Variants in STARD13 observed in about 807,000 individuals in gnomAD.
STARD13 encodes the protein StAR related lipid transfer domain containing 13.
In STARD13, 62 loss-of-function variants were observed where a neutral mutation model predicts 106.4. The observed-to-expected ratio is 0.58, with a 90% CI of 0.48 to 0.72. The LOEUF (loss-of-function observed/expected upper bound fraction) is 0.72. Among genes scored for constraint, STARD13 ranks in the 30% least tolerant of loss-of-function variants. The pLI, the probability that STARD13 is intolerant of heterozygous loss-of-function variation, is 0.00. For synonymous variants in STARD13, 565 were observed against 553.0 expected (o/e 1.02, Z -0.31); for missense variants, 1,387 against 1,424.0 (o/e 0.97, Z 0.42).
the STARD13 span, among the ~76,000 whole-genome samples, chr13:33,601,624 T>C: frequency 0.086 from 13,148 of 152,278 alleles, 742 homozygotes; most frequent in East Asian, 0.25. Flanking sequence ...GCTGAATTTC[T>C]GCGAAGTGAC....
intron 1 of STARD13, chr13:33,278,503 T>A (rs1054944349): frequency 6.6e-5 from 10 of 152,092 alleles, no homozygotes; most frequent in African/African-American, 2.4e-4. Flanking sequence ...CAGGATGTTA[T>A]AAGAAATGAG....
intron 1 of STARD13, among the ~76,000 whole-genome samples, chr13:33,285,007 T>G (rs969091194): frequency 3.3e-5 from 5 of 152,184 alleles, no homozygotes; most frequent in East Asian, 1.9e-4. Flanking sequence ...CTTAGCCTGG[T>G]GGCCTTTAGA....
chr13:33,465,044 T>G, the STARD13 span, among the ~76,000 whole-genome samples: 1 of 152,144 alleles, frequency 6.6e-6, no homozygotes, highest in African/African-American at 2.4e-5. Flanking sequence ...ATATAGCCAA[T>G]GTATTATCAA....
At chr13:33,430,938 G>T in the STARD13 span, among the ~76,000 whole-genome samples, 4 of 152,182 alleles carry the variant, frequency 2.6e-5, no homozygotes, top group East Asian at 7.7e-4. Flanking sequence ...GAGGTGAAAA[G>T]AAGTTGATTA....
intron 2 of STARD13, among the ~76,000 whole-genome samples, chr13:33,166,469 G>A (rs1283039133): frequency 1.3e-5 from 2 of 152,008 alleles, no homozygotes; most frequent in Non-Finnish European, 2.9e-5. Flanking sequence ...ACAAGCCCTG[G>A]GCTCTTGCAC....
chr13:33,565,828 T>G, the STARD13 span, among the ~76,000 whole-genome samples: 1 of 148,632 alleles, frequency 6.7e-6, no homozygotes, highest in Admixed American at 6.9e-5. Context: ...ACCTTCCTAC[T>G]TATTCATCCT....
At chr13:33,609,600 T>C in the STARD13 span, among the ~76,000 whole-genome samples, 1 of 151,302 alleles carries the variant, frequency 6.6e-6, no homozygotes, top group African/African-American at 2.4e-5. Context: ...GGAGTCTCGC[T>C]GTGTTGCCCA....
chr13:33,227,832 G>A (rs1888701811), intron 1 of STARD13, among the ~76,000 whole-genome samples: 1 of 152,068 alleles, frequency 6.6e-6, no homozygotes, highest in Non-Finnish European at 1.5e-5. Context: ...TAGATGCCAG[G>A]AGCTGTGTCA....
the STARD13 span, among the ~76,000 whole-genome samples, chr13:33,493,017 G>T: frequency 6.6e-6 from 1 of 152,138 alleles, no homozygotes; most frequent in African/African-American, 2.4e-5. Flanking sequence ...CACAACAAAA[G>T]AACAGGCATC....
At chr13:33,594,436 A>T in the STARD13 span, among the ~76,000 whole-genome samples, 2,290 of 152,326 alleles carry the variant, frequency 0.015, 52 homozygotes, top group African/African-American at 0.051. Context: ...TACTAAAACC[A>T]TGAACTTTGA....
At position 33,220,483 on chromosome 13, in the gene STARD13, G is replaced by T. The variant is rs369099291; in HGVS notation, c.170-52861C>A. 2.6e-5 allele frequency among the ~76,000 whole-genome samples: 4 copies of T among 152,116 alleles called. No homozygotes were observed. In the East Asian group the frequency reaches 5.8e-4, roughly 22 times the overall value. ...TGAGGCAGGTGGATCATGAGGTCAGGAGTTCGAGACCAGCCTGGCCAACAT... is the reference window on the plus strand; with the variant it reads ...TGAGGCAGGTGGATCATGAGGTCAGTAGTTCGAGACCAGCCTGGCCAACAT... On this transcript the variant is annotated intron_variant, in intron 1 of 13. Coordinates refer to ENST00000336934, the MANE Select transcript of STARD13 (RefSeq NM_178006.4).
At chr13:33,644,115 T>A in the STARD13 span, among the ~76,000 whole-genome samples, 6 of 152,126 alleles carry the variant, frequency 3.9e-5, no homozygotes, top group Non-Finnish European at 7.3e-5. Flanking sequence ...TGAGAAGCTT[T>A]AAGGACAAGA....
At chr13:33,403,343 G>T in the STARD13 span, among the ~76,000 whole-genome samples, 1 of 152,200 alleles carries the variant, frequency 6.6e-6, no homozygotes, top group African/African-American at 2.4e-5. Context: ...GACAGAGTTT[G>T]TTTGTGTTTA....
chr13:33,145,454 T>C (rs1880396565), intron 3 of STARD13, among the ~76,000 whole-genome samples: 1 of 152,200 alleles, frequency 6.6e-6, no homozygotes, highest in Non-Finnish European at 1.5e-5. Context: ...TTTTAGTACT[T>C]GATCTAGCAA....
At chr13:33,179,988 C>T (rs1310504554) in intron 1 of STARD13, among the ~76,000 whole-genome samples, 1 of 152,202 alleles carries the variant, frequency 6.6e-6, no homozygotes, top group Non-Finnish European at 1.5e-5. Flanking sequence ...GCAGGAGGTC[C>T]TTGGGGTCAC....
At chr13:33,299,561 T>C (rs1177889502) in intron 1 of STARD13, among the ~76,000 whole-genome samples, 1 of 152,136 alleles carries the variant, frequency 6.6e-6, no homozygotes, top group Non-Finnish European at 1.5e-5. Flanking sequence ...CAAAACAAAA[T>C]TTGGCCCATA....
the STARD13 span, among the ~76,000 whole-genome samples, chr13:33,640,681 C>A: frequency 6.6e-6 from 1 of 152,146 alleles, no homozygotes; most frequent in Non-Finnish European, 1.5e-5. Flanking sequence ...TGTCCCTGCT[C>A]AGAAATACAA....
the STARD13 span, among the ~76,000 whole-genome samples, chr13:33,525,854 C>G: frequency 1.6e-4 from 25 of 152,206 alleles, no homozygotes; most frequent in African/African-American, 6.0e-4. Context: ...TCTAGCACTG[C>G]CAAATACTAG....
chr13:33,183,875 G>A (rs1885489605), intron 1 of STARD13, among the ~76,000 whole-genome samples: 1 of 152,186 alleles, frequency 6.6e-6, no homozygotes, highest in Non-Finnish European at 1.5e-5. Flanking sequence ...GAATCATCCA[G>A]CCAGTCCAAG....
Sources: allele counts gnomAD v4.1 joint callset (sites outside exome capture counted in the v4.1 genomes callset), GRCh38; gene constraint gnomAD v4.1.1; transcripts MANE v1.5; gene names NCBI Gene and HGNC (gene_info 2026-07-23, HGNC 2026-07-21).